The following SP140L variants were observed in gnomAD, a reference collection of about 807,000 sequenced individuals.
SP140L encodes SP140 like nuclear body protein.
Under a neutral mutation model 84.3 loss-of-function variants are expected in SP140L, and 64 were observed. The observed-to-expected ratio is 0.76, with a 90% confidence interval of 0.62 to 0.94. The LOEUF is 0.94. Ranked by LOEUF, SP140L falls within the 40% of genes least tolerant of loss-of-function variation. The probability of loss-of-function intolerance (pLI) is 0.00; values close to 1 mark genes in which losing one functional copy is unlikely to be tolerated. For missense variants in SP140L, 628 were observed against 692.5 expected (o/e 0.91, Z 1.05); for synonymous variants, 242 against 236.9 (o/e 1.02, Z -0.20).
intron 2 of SP140L, among the ~76,000 whole-genome samples, chr2:230,331,763 C>A (rs1290405210): frequency 6.6e-6 from 1 of 152,012 alleles, no homozygotes; most frequent in Non-Finnish European, 1.5e-5. Context: ...CTAGTTATTT[C>A]TTTCTGGCAT....
chr2:230,364,516 T>G (rs1417112546), intron 5 of SP140L, among the ~76,000 whole-genome samples: 5 of 152,136 alleles, frequency 3.3e-5, no homozygotes, highest in East Asian at 1.9e-4. Flanking sequence ...TTTACCAAAT[T>G]TATTAGTTCT....
intron 7 of SP140L, among the ~76,000 whole-genome samples, chr2:230,378,786 C>G (rs76081557): frequency 4.6e-5 from 7 of 152,222 alleles, no homozygotes; most frequent in African/African-American, 1.7e-4. Flanking sequence ...TCTGGCTTCA[C>G]TCCATGCATA....
At chr2:230,358,883 G>A in intron 3 of SP140L, 81 bp from the exon 4 acceptor site, 3 of 1,163,832 alleles carry the variant, frequency 2.6e-6, no homozygotes, top group Non-Finnish European at 2.4e-6. Flanking sequence ...TTGAAATTCA[G>A]TAACCATAAA....
intron 7 of SP140L, among the ~76,000 whole-genome samples, chr2:230,373,052 C>G (rs1259275288): frequency 1.3e-5 from 2 of 152,216 alleles, no homozygotes; most frequent in African/African-American, 4.8e-5. Flanking sequence ...GGTCTTAACT[C>G]TCTTCACTTC....
chr2:230,380,895 A>G (rs1450737742), intron 7 of SP140L, among the ~76,000 whole-genome samples: 2 of 152,002 alleles, frequency 1.3e-5, no homozygotes, highest in Non-Finnish European at 2.9e-5. Context: ...CACCTCAAGT[A>G]TTTTCAGTTT....
At chr2:230,366,522 T>A (rs930487698) in intron 5 of SP140L, among the ~76,000 whole-genome samples, 1 of 151,850 alleles carries the variant, frequency 6.6e-6, no homozygotes, top group African/African-American at 2.4e-5. Context: ...AAAAGTGAAG[T>A]GAGTGTCTTG....
chr2:230,358,974 A>T lies in SP140L; in HGVS notation c.281A>T (p.Asp94Val), dbSNP rs766920483. ...ITNKMFEDSE[D>V]SCRNLVPVQR... is the part of the protein sequence containing the mutation. Reference sequence around the variant, plus strand: ...TCAATATTTTTAAAGGATTCTGAAGATTCTTGTAGAAACCTGGTCCCTGTA... The same window carrying T: ...TCAATATTTTTAAAGGATTCTGAAGTTTCTTGTAGAAACCTGGTCCCTGTA... The change falls in exon 4 of 19, where the codon GAT (aspartate) becomes GTT (valine). Residue 94 changes from aspartate (D) to valine (V), a missense_variant. Around this residue, in one of 4 missense-constraint regions of SP140L, gnomAD observed 525 missense variants for 518.4 expected, o/e 1.01. Coordinates refer to ENST00000415673, the MANE Select transcript of SP140L (RefSeq NM_138402.6). 32 of 1,578,958 alleles carry T rather than the reference A, an allele frequency of 2.0e-5. No homozygotes were observed. The highest frequency in any genetic ancestry group is 2.7e-5 in the Non-Finnish European group (32 of 1,168,902).
At chr2:230,383,820 G>A (rs371133082) in intron 8 of SP140L, among the ~76,000 whole-genome samples, 41 of 152,256 alleles carry the variant, frequency 2.7e-4, no homozygotes, top group Middle Eastern at 3.4e-3. Context: ...TCCTCAGTAT[G>A]ACTTTCTTCA....
chr2:230,353,530 T>G (rs900208706), intron 2 of SP140L, among the ~76,000 whole-genome samples: 1 of 152,094 alleles, frequency 6.6e-6, no homozygotes, highest in African/African-American at 2.4e-5. Flanking sequence ...AATTTTGAAT[T>G]GACATTAATG....
intron 2 of SP140L, among the ~76,000 whole-genome samples, chr2:230,337,070 C>T (rs568022921): frequency 1.3e-5 from 2 of 152,354 alleles, no homozygotes; most frequent in South Asian, 4.1e-4. Flanking sequence ...AATCGCCACA[C>T]TGACTTCCAC....
At chr2:230,366,099 A>G (rs746568865) in intron 5 of SP140L, among the ~76,000 whole-genome samples, 28 of 152,172 alleles carry the variant, frequency 1.8e-4, no homozygotes, top group Non-Finnish European at 3.5e-4. Flanking sequence ...ACTCCTGTAG[A>G]ATAGAATGTT....
chr2:230,370,301 C>T (rs946766004), intron 5 of SP140L, among the ~76,000 whole-genome samples: 3 of 152,058 alleles, frequency 2.0e-5, no homozygotes, highest in Non-Finnish European at 4.4e-5. Flanking sequence ...TAGTGTCCAG[C>T]ATCACAGCAC....
chr2:230,403,041 GA>G lies in SP140L; in HGVS notation c.*148del. ...TCTGCCCAAAAACAAATCCTCAAAA[GA>G]AATTTGATCATCATGAATCCCATCC... On this transcript the variant is annotated 3_prime_UTR_variant, in exon 19 of 19. Coordinates refer to ENST00000415673, the MANE Select transcript of SP140L (RefSeq NM_138402.6). 1.6e-6 allele frequency: 1 copy of G among 620,658 alleles called. No homozygotes were observed. Among genetic ancestry groups the G allele is most frequent in the Non-Finnish European group, 2.8e-6 (1 of 359,238 alleles). 38.4% of individuals were successfully genotyped at this position (620,658 alleles called of 1,614,324 possible).
chr2:230,402,536 G>C (rs761305721), intron 18 of SP140L, among the ~76,000 whole-genome samples: 45 of 152,172 alleles, frequency 3.0e-4, no homozygotes, highest in Non-Finnish European at 5.6e-4. Flanking sequence ...ACATTGTTAA[G>C]AGAGTAAATA....
chr2:230,329,806 A>T (rs770492310), intron 2 of SP140L, among the ~76,000 whole-genome samples: 3 of 152,216 alleles, frequency 2.0e-5, no homozygotes, highest in Non-Finnish European at 4.4e-5. Flanking sequence ...ACAGATTAAT[A>T]CATCTAGCTT....
At position 230,402,810 on chromosome 2, in the gene SP140L, G is replaced by C; in HGVS notation, c.1657G>C (p.Gly553Arg). The C allele has an allele frequency of 6.2e-7, 1 of 1,611,808 alleles. No homozygotes were observed. Among genetic ancestry groups the C allele is most frequent in the Non-Finnish European group, 8.5e-7 (1 of 1,179,350 alleles). The part of the protein sequence containing the change: ...HRASYKYKDF[G>R]QMGLRLEAEF... ...TACTTTTTTCCAGTATAAGGATTTTGGCCAAATGGGACTTAGACTGGAGGC... is the reference window on the plus strand; with the variant it reads ...TACTTTTTTCCAGTATAAGGATTTTCGCCAAATGGGACTTAGACTGGAGGC... Residue 553 changes from glycine to arginine, a missense_variant, in exon 19 of 19, where the codon GGC becomes CGC. This residue lies in a region of SP140L where 44 missense variants were observed against 36.1 expected (regional missense o/e 1.22). Coordinates refer to ENST00000415673, the MANE Select transcript of SP140L (RefSeq NM_138402.6).
chr2:230,346,933 T>C (rs2149706579), intron 2 of SP140L, among the ~76,000 whole-genome samples: 1 of 152,328 alleles, frequency 6.6e-6, no homozygotes, highest in Non-Finnish European at 1.5e-5. Flanking sequence ...GGTTTTATTT[T>C]TTGCTGATTT....
rs1309053933 is a variant in SP140L, at chr2:230,393,472, C to T, written c.1155+11C>T. On this transcript the variant is annotated intron_variant, in intron 13 of 18. Coordinates refer to ENST00000415673, the MANE Select transcript of SP140L (RefSeq NM_138402.6). ...TACAGGAACAAAAAGGTGATTATTA[C>T]ATAATTTTCTACAGATTCTTGTCAC... is the stretch of plus-strand genomic sequence containing the variant. 3 of 1,563,858 alleles carry T rather than the reference C, an allele frequency of 1.9e-6. No individual in the cohort carries two copies. The highest frequency in any genetic ancestry group is 1.9e-5 in the Admixed American group (1 of 51,912).
chr2:230,370,895 A>G lies in SP140L; in HGVS notation c.524-13A>G, dbSNP rs2149764738. 4.3e-6 allele frequency: 7 copies of G among 1,612,854 alleles called. No homozygotes were observed. Among genetic ancestry groups the G allele is most frequent in the Admixed American group, 1.7e-5 (1 of 59,844 alleles). On this transcript the variant is annotated splice_polypyrimidine_tract_variant and intron_variant, in intron 5 of 18. Transcript: ENST00000415673. The stretch of plus-strand genomic sequence containing the variant: ...TGAAAATGAGAAGTGTTCCTATGTC[A>G]TGTGTTTCTCAGGAGAAGTGCCAGA...
Sources: allele counts gnomAD v4.1 joint callset (sites outside exome capture counted in the v4.1 genomes callset), GRCh38; gene constraint gnomAD v4.1.1; regional missense constraint gnomAD v4.1.1; transcripts MANE v1.5; gene names NCBI Gene and HGNC (gene_info 2026-07-23, HGNC 2026-07-21).